Variants in EPHB1 observed in about 807,000 individuals in gnomAD.
The protein encoded by EPHB1 is ephrin type-B receptor 1.
A neutral mutation model predicts 94.4 loss-of-function variants in EPHB1; 30 were observed. The observed-to-expected ratio is 0.32, with a 90% CI of 0.24 to 0.43. The LOEUF (loss-of-function observed/expected upper bound fraction) is 0.43. EPHB1 is among the 20% of genes least tolerant of loss of function. The pLI, the probability that EPHB1 is intolerant of heterozygous loss-of-function variation, is 1.00. For synonymous variants in EPHB1, 522 were observed against 489.1 expected, an observed-to-expected ratio of 1.07 and a Z score of -0.89; for missense variants, 1,055 against 1,308.3, an observed-to-expected ratio of 0.81 and a Z score of 2.99.
chr3:135,161,507 G>A, intron 6 of EPHB1, among the ~76,000 whole-genome samples: 1 of 152,320 alleles, frequency 6.6e-6, no homozygotes, highest in East Asian at 1.9e-4. Flanking sequence ...AGCACTTGAA[G>A]GAACTGAAGG....
At chr3:135,043,434 G>T (rs545271916) in intron 3 of EPHB1, among the ~76,000 whole-genome samples, 1 of 152,224 alleles carries the variant, frequency 6.6e-6, no homozygotes, top group East Asian at 1.9e-4. Context: ...AGAGTGAGAA[G>T]CCCTCTATGA....
intron 3 of EPHB1, among the ~76,000 whole-genome samples, chr3:135,039,689 G>T (rs1173284607): frequency 1.3e-5 from 2 of 152,230 alleles, no homozygotes; most frequent in Non-Finnish European, 2.9e-5. Context: ...GTCCCCCCTT[G>T]CTCGGGGCCA....
At chr3:135,178,219 C>CGGGGGGGGGGGGGG (rs775780350) in intron 9 of EPHB1, among the ~76,000 whole-genome samples, 2 of 96,236 alleles carry the variant, frequency 2.1e-5, no homozygotes, top group African/African-American at 9.6e-5. Flanking sequence ...TTTGGGAGGC[C>CGGGGGGGGGGGGGG]GGGGAGGGGG....
chr3:135,063,527 G>A (rs1368216178), intron 3 of EPHB1, among the ~76,000 whole-genome samples: 1 of 152,140 alleles, frequency 6.6e-6, no homozygotes, highest in Admixed American at 6.5e-5. Flanking sequence ...AACGATTTGT[G>A]TACACTAATC....
chr3:134,836,555 G>T (rs2036676604), intron 1 of EPHB1, among the ~76,000 whole-genome samples: 1 of 152,138 alleles, frequency 6.6e-6, no homozygotes, highest in Non-Finnish European at 1.5e-5. Flanking sequence ...ACTTCATTAG[G>T]TAAATAACGG....
chr3:135,077,369 T>C (rs1210109242), intron 3 of EPHB1, among the ~76,000 whole-genome samples: 1 of 152,220 alleles, frequency 6.6e-6, no homozygotes, highest in East Asian at 1.9e-4. Context: ...CCATTCCTGC[T>C]CTCTGAACCC....
intron 14 of EPHB1, 108 bp downstream of exon 14, chr3:135,248,617 G>GT: frequency 8.7e-7 from 1 of 1,144,068 alleles, no homozygotes; most frequent in Non-Finnish European, 1.2e-6. Flanking sequence ...AGAGTATCTA[G>GT]TTGCAGTGTG....
At chr3:134,933,795 G>C (rs59474114) in intron 2 of EPHB1, among the ~76,000 whole-genome samples, 1 of 152,184 alleles carries the variant, frequency 6.6e-6, no homozygotes, top group Non-Finnish European at 1.5e-5. Context: ...GGTATCTTCA[G>C]AGAGTGGGTT....
At chr3:135,165,895 G>A in intron 7 of EPHB1, 73 bp from the exon 8 acceptor site, 1 of 1,020,758 alleles carries the variant, frequency 9.8e-7, no homozygotes, top group Non-Finnish European at 1.5e-6. Flanking sequence ...TCATGTTTTT[G>A]GTATTGTGCA....
chr3:135,234,331 T>G (rs1368060289), intron 12 of EPHB1, among the ~76,000 whole-genome samples: 2 of 152,176 alleles, frequency 1.3e-5, no homozygotes, highest in Non-Finnish European at 2.9e-5. Context: ...CAAGTTCTTC[T>G]TCTCCATCTG....
chr3:135,239,778 G>A (rs951950735), intron 12 of EPHB1, among the ~76,000 whole-genome samples: 1 of 152,148 alleles, frequency 6.6e-6, no homozygotes, highest in Non-Finnish European at 1.5e-5. Flanking sequence ...TTGCTTGTAT[G>A]TCCCAGCCTC....
chr3:135,181,169 G>A (rs952641063), intron 10 of EPHB1, among the ~76,000 whole-genome samples: 5 of 152,132 alleles, frequency 3.3e-5, no homozygotes, highest in East Asian at 1.9e-4. Flanking sequence ...CCATTAGGCC[G>A]CCATCTTCCT....
At chr3:134,811,674 CTT>C (rs779488891) in intron 1 of EPHB1, among the ~76,000 whole-genome samples, 3 of 152,050 alleles carry the variant, frequency 2.0e-5, no homozygotes, top group African/African-American at 4.8e-5. Flanking sequence ...AGATCTAAGA[CTT>C]TTTAGTCTTC....
At chr3:135,239,360 TC>T (rs1943727020) in intron 12 of EPHB1, among the ~76,000 whole-genome samples, 1 of 152,154 alleles carries the variant, frequency 6.6e-6, no homozygotes, top group South Asian at 2.1e-4. Context: ...CAACCATGTA[TC>T]TTTGGTGACT....
At chr3:134,926,155 G>C (rs991225509) in intron 2 of EPHB1, among the ~76,000 whole-genome samples, 1 of 152,168 alleles carries the variant, frequency 6.6e-6, no homozygotes, top group African/African-American at 2.4e-5. Context: ...ATGGGGGCAC[G>C]CAGGCTAGTG....
chr3:134,946,950 G>A (rs1560309679), intron 2 of EPHB1, among the ~76,000 whole-genome samples: 1 of 152,086 alleles, frequency 6.6e-6, no homozygotes, highest in Non-Finnish European at 1.5e-5. Context: ...ACACAAAATG[G>A]ACTCATACAG....
rs397933477 is a variant in EPHB1 at position 135,243,074 on chromosome 3, CA to C, written c.2496+1797del. Among the ~76,000 whole-genome samples the C allele has an allele frequency of 2.6e-3, 257 of 98,370 alleles. 1 individual carries two copies. Among genetic ancestry groups the C allele is most frequent in the African/African-American group, 7.2e-3 (174 of 24,174 alleles). 64.5% of individuals were successfully genotyped at this position (98,370 alleles called of 152,430 possible). ...TGGGTGACAGAGCGGGACCCTGTCT[CA>C]AAAAAAAAAAAAAAAAAAAGAAAAG... On this transcript the variant is annotated intron_variant, in intron 13 of 15. Transcript: ENST00000398015.
chr3:134,822,765 A>AT (rs980523819), intron 1 of EPHB1, among the ~76,000 whole-genome samples: 2 of 152,028 alleles, frequency 1.3e-5, no homozygotes, highest in African/African-American at 4.8e-5. Flanking sequence ...TTAAATTTAA[A>AT]TTTTTTTCTG....
chr3:135,192,342 C>CTGAAATT (rs1942481923), intron 10 of EPHB1, among the ~76,000 whole-genome samples: 1 of 3,302 alleles, frequency 3.0e-4, no homozygotes, highest in African/African-American at 1.2e-3. Context: ...ACTTTAGTTA[C>CTGAAATT]CCAAACTATT....
Sources: allele counts gnomAD v4.1 joint callset (sites outside exome capture counted in the v4.1 genomes callset), GRCh38; gene constraint gnomAD v4.1.1; transcripts MANE v1.5; gene names NCBI Gene and HGNC (gene_info 2026-07-23, HGNC 2026-07-21).